CASD1: variants seen among roughly 807,000 people sequenced by gnomAD.
CASD1 encodes the protein N-acetylneuraminate (7)9-O-acetyltransferase.
In CASD1, 41 loss-of-function variants were observed where a neutral mutation model predicts 100.0. The observed-to-expected ratio is 0.41, with a 90% CI of 0.32 to 0.53. The LOEUF (loss-of-function observed/expected upper bound fraction) is 0.53, where lower values mean the gene tolerates loss of function less well. CASD1 is among the 20% of genes least tolerant of loss of function. The pLI is 0.25. For synonymous variants in CASD1, 321 were observed against 315.6 expected, an observed-to-expected ratio of 1.02 and a Z score of -0.18; for missense variants, 774 against 948.7, an observed-to-expected ratio of 0.82 and a Z score of 2.42.
intron 3 of CASD1, among the ~76,000 whole-genome samples, chr7:94,525,857 T>C (rs1794539576): frequency 6.6e-6 from 1 of 152,236 alleles, no homozygotes; most frequent in Admixed American, 6.5e-5. Context: ...GTATAAATAC[T>C]ATTTGTCTGT....
chr7:94,586,908 G>A, the CASD1 span: 1 of 983,754 alleles, frequency 1.0e-6, no homozygotes, highest in South Asian at 4.7e-5. Context: ...AGATATTTTG[G>A]GGACTCACTA....
chr7:94,614,687 TGA>T, the CASD1 span, among the ~76,000 whole-genome samples: 10 of 152,298 alleles, frequency 6.6e-5, no homozygotes, highest in East Asian at 1.7e-3. Flanking sequence ...AGAAATGTAG[TGA>T]GAGAGGAGCC....
chr7:94,547,577 G>A lies in CASD1; in HGVS notation c.1713+402G>A, dbSNP rs147420673. 2.3e-3 allele frequency among the ~76,000 whole-genome samples: 349 copies of A among 151,936 alleles called. 1 individual carries two copies. Among genetic ancestry groups the A allele is most frequent in the Non-Finnish European group, 2.6e-3 (177 of 67,814 alleles). Reference sequence around the variant, plus strand: ...CATAACTACATAGAGTAAAATTTTAGCAGTTAGTACAACCAACTTAGGAGC... The same window carrying A: ...CATAACTACATAGAGTAAAATTTTAACAGTTAGTACAACCAACTTAGGAGC... On this transcript the variant is annotated intron_variant, in intron 13 of 17. Coordinates refer to ENST00000297273, the MANE Select transcript of CASD1 (RefSeq NM_022900.5).
At chr7:94,623,955 T>A in the CASD1 span, 14 of 377,002 alleles carry the variant, frequency 3.7e-5, no homozygotes, top group Admixed American at 3.6e-4. Context: ...TTATGGAACA[T>A]GCTCAAAAAC....
At chr7:94,614,107 C>CAAAAAAAAAAAA in the CASD1 span, among the ~76,000 whole-genome samples, 31 of 94,806 alleles carry the variant, frequency 3.3e-4, no homozygotes, top group Admixed American at 4.2e-4. Context: ...AAATTGAAAT[C>CAAAAAAAAAAAA]AAAAAAAAAA....
intron 10 of CASD1, among the ~76,000 whole-genome samples, chr7:94,541,345 T>C (rs1341572938): frequency 6.6e-6 from 1 of 151,898 alleles, no homozygotes; most frequent in Non-Finnish European, 1.5e-5. Flanking sequence ...TGTCATGTTT[T>C]TATGCTAAAA....
At chr7:94,513,075 G>A (rs1428059046) in intron 1 of CASD1, among the ~76,000 whole-genome samples, 1 of 152,076 alleles carries the variant, frequency 6.6e-6, no homozygotes, top group African/African-American at 2.4e-5. Flanking sequence ...AGTGGCTCAC[G>A]CCTATAATCC....
the CASD1 span, chr7:94,586,837 C>T: frequency 7.1e-6 from 7 of 985,200 alleles, no homozygotes; most frequent in East Asian, 1.1e-4. Context: ...GGCACAAACA[C>T]ACCAATCTTG....
chr7:94,587,291 C>G, the CASD1 span: 21 of 990,592 alleles, frequency 2.1e-5, 1 homozygote, highest in South Asian at 8.9e-4. Context: ...ATCATCTACT[C>G]AAGTTTCCTA....
At chr7:94,512,051 C>T (rs970380780) in intron 1 of CASD1, among the ~76,000 whole-genome samples, 2 of 152,218 alleles carry the variant, frequency 1.3e-5, no homozygotes, top group Non-Finnish European at 2.9e-5. Context: ...AAATAAACAT[C>T]TTACCAGGAA....
the CASD1 span, chr7:94,626,931 A>G: frequency 8.6e-5 from 13 of 152,040 alleles, no homozygotes; most frequent in Non-Finnish European, 1.8e-4. Flanking sequence ...CACTTTTTCC[A>G]TAACTATCAT....
the CASD1 span, among the ~76,000 whole-genome samples, chr7:94,570,225 C>T: frequency 2.0e-5 from 3 of 152,072 alleles, no homozygotes; most frequent in Non-Finnish European, 4.4e-5. Context: ...CCCCTATTTC[C>T]TCCACTACTG....
chr7:94,620,699 C>T, the CASD1 span: 1 of 152,140 alleles, frequency 6.6e-6, no homozygotes, highest in Non-Finnish European at 1.5e-5. Context: ...TTCTTATGAT[C>T]AGTGCTACTT....
At chr7:94,544,568 A>G (rs775677382) in intron 11 of CASD1, 38 bp downstream of exon 11, 3 of 1,587,450 alleles carry the variant, frequency 1.9e-6, no homozygotes, top group Non-Finnish European at 1.7e-6. Context: ...TTCCAGTTGA[A>G]CATACTTTCT....
chr7:94,600,451 A>G, the CASD1 span: 1 of 558,900 alleles, frequency 1.8e-6, no homozygotes, highest in Non-Finnish European at 3.2e-6. Flanking sequence ...AAGTAATTAT[A>G]TCCCCTAATT....
chr7:94,518,869 T>C (rs1794109784), intron 3 of CASD1, among the ~76,000 whole-genome samples: 1 of 152,102 alleles, frequency 6.6e-6, no homozygotes, highest in African/African-American at 2.4e-5. Flanking sequence ...TAATTTAATT[T>C]TGCAGTTAAA....
intron 14 of CASD1, 154 bp downstream of exon 14, chr7:94,549,788 T>C (rs1008643487): frequency 6.2e-5 from 33 of 534,458 alleles, no homozygotes; most frequent in Admixed American, 1.8e-4. Context: ...CCCTGCACTC[T>C]TTTCTTTACA....
chr7:94,604,049 G>C, the CASD1 span, among the ~76,000 whole-genome samples: 1 of 152,068 alleles, frequency 6.6e-6, no homozygotes. Flanking sequence ...TAATATAAGG[G>C]TAAAACTATT....
chr7:94,599,762 T>C, the CASD1 span: 3 of 1,372,640 alleles, frequency 2.2e-6, no homozygotes, highest in Non-Finnish European at 3.1e-6. Flanking sequence ...AATAATAGCA[T>C]TGATATTTGG....
Sources: allele counts gnomAD v4.1 joint callset (sites outside exome capture counted in the v4.1 genomes callset), GRCh38; gene constraint gnomAD v4.1.1; transcripts MANE v1.5; gene names NCBI Gene and HGNC (gene_info 2026-07-23, HGNC 2026-07-21).